The following PLAUR variants were observed in gnomAD, a reference collection of about 807,000 sequenced individuals.
The protein encoded by PLAUR is urokinase plasminogen activator surface receptor.
PLAUR carries 22 observed loss-of-function variants against 33.4 expected under a neutral mutation model. That is an observed-to-expected ratio of 0.66 (90% CI 0.47 to 0.94). The LOEUF (loss-of-function observed/expected upper bound fraction) is 0.94. Among genes scored for constraint, PLAUR ranks in the 40% least tolerant of loss-of-function variants. The pLI is 0.00. For synonymous variants in PLAUR, 148 were observed against 167.3 expected, an observed-to-expected ratio of 0.88 and a Z score of 0.89; for missense variants, 408 against 434.7, an observed-to-expected ratio of 0.94 and a Z score of 0.55.
intron 3 of PLAUR, 191 bp downstream of exon 3, chr19:43,665,125 G>T: frequency 1.7e-6 from 1 of 605,112 alleles, no homozygotes; most frequent in East Asian, 2.8e-5. Context: ...AGTTGAGTTG[G>T]GGTTGGATAT....
At chr19:43,660,160 T>TTTTGC (rs895857577) in intron 3 of PLAUR, among the ~76,000 whole-genome samples, 1 of 149,542 alleles carries the variant, frequency 6.7e-6, no homozygotes, top group African/African-American at 2.5e-5. Flanking sequence ...TTGCGTTTTG[T>TTTTGC]TTTGTTTTGT....
At chr19:43,653,658 A>G (rs1974086445) in intron 5 of PLAUR, among the ~76,000 whole-genome samples, 2 of 148,390 alleles carry the variant, frequency 1.3e-5, no homozygotes, top group Admixed American at 6.7e-5. Context: ...GACTCCATCT[A>G]AAAAAAGAAA....
At chr19:43,655,309 C>G in intron 5 of PLAUR, 130 bp downstream of exon 5, 1 of 451,628 alleles carries the variant, frequency 2.2e-6, no homozygotes, top group East Asian at 4.8e-5. Flanking sequence ...AGGCCTGATA[C>G]TCCCATTTTT....
intron 5 of PLAUR, among the ~76,000 whole-genome samples, chr19:43,653,852 G>A (rs4251901): frequency 0.065 from 9,853 of 151,422 alleles, 379 homozygotes; most frequent in Middle Eastern, 0.19. Flanking sequence ...GCGGCCGGGC[G>A]TGGTGGCTCA....
At chr19:43,658,881 T>G (rs2239373) in intron 3 of PLAUR, among the ~76,000 whole-genome samples, 24,992 of 152,118 alleles carry the variant, frequency 0.16, 2,202 homozygotes, top group East Asian at 0.32. Context: ...AAAACACAAA[T>G]TCTCACCATT....
At chr19:43,669,981 A>G in intron 1 of PLAUR, 85 bp downstream of exon 1, 6 of 1,297,272 alleles carry the variant, frequency 4.6e-6, no homozygotes, top group South Asian at 1.2e-5. Flanking sequence ...ACTGAACCGC[A>G]TTCCTCCAAC....
At chr19:43,653,216 G>A (rs1032114395) in intron 5 of PLAUR, among the ~76,000 whole-genome samples, 2 of 152,308 alleles carry the variant, frequency 1.3e-5, no homozygotes, top group East Asian at 3.9e-4. Flanking sequence ...TTAAAATTCA[G>A]TTCACATTTC....
At chr19:43,668,258 A>G in intron 1 of PLAUR, 1 of 986,884 alleles carries the variant, frequency 1.0e-6, no homozygotes. Context: ...AGCCCTCCGG[A>G]GTTTCTATTG....
Position 43,656,762 on chromosome 19 carries a change from T to C in PLAUR, c.311-122A>G, listed in dbSNP as rs1054714491. The C allele has an allele frequency of 4.1e-6, 3 of 729,550 alleles. No individual in the cohort carries two copies. The African/African-American group carries it at 5.4e-5, about 13-fold the overall frequency. 45.2% of individuals were successfully genotyped at this position (729,550 alleles called of 1,614,324 possible). ...CACCCTGCAGCCAGTCATTGAGCCC[T>C]GCCTATTCTGCCTGCTGAATCTTTC... On this transcript the variant is annotated intron_variant, in intron 3 of 6. Transcript: ENST00000340093.
At chr19:43,657,747 C>T (rs1395969884) in intron 3 of PLAUR, among the ~76,000 whole-genome samples, 3 of 152,244 alleles carry the variant, frequency 2.0e-5, no homozygotes, top group African/African-American at 7.2e-5. Context: ...TGTGTCCCAA[C>T]ACCACCTGGC....
rs1974226670 is a variant in PLAUR at position 43,656,656 on chromosome 19, G to T, written c.311-16C>A. 1 of 1,573,180 alleles carries T rather than the reference G, an allele frequency of 6.4e-7. No homozygotes were observed. The highest frequency in any genetic ancestry group is 8.7e-7 in the Non-Finnish European group (1 of 1,155,734). ...ACAGCCCGGCCTGTTTGGAAGAGGGGGAGGGGAGTGAGACTCCATGGGGAC... is the reference window on the plus strand; with the variant it reads ...ACAGCCCGGCCTGTTTGGAAGAGGGTGAGGGGAGTGAGACTCCATGGGGAC... On this transcript the variant is annotated splice_polypyrimidine_tract_variant and intron_variant, in intron 3 of 6. Coordinates refer to ENST00000340093, the MANE Select transcript of PLAUR (RefSeq NM_002659.4).
chr19:43,665,218 G>T (rs1262401119), intron 3 of PLAUR, 98 bp downstream of exon 3: 2 of 1,264,546 alleles, frequency 1.6e-6, no homozygotes, highest in Admixed American at 3.6e-5. Flanking sequence ...ATGGAGTTGG[G>T]GTTCAGCTGA....
chr19:43,650,487 A>C (rs531584387), intron 6 of PLAUR, among the ~76,000 whole-genome samples: 1 of 151,548 alleles, frequency 6.6e-6, no homozygotes, highest in African/African-American at 2.4e-5. Flanking sequence ...CACCATGCCC[A>C]GCTAACTTTT....
At chr19:43,652,920 G>C (rs4251907) in intron 5 of PLAUR, among the ~76,000 whole-genome samples, 45 of 152,144 alleles carry the variant, frequency 3.0e-4, no homozygotes, top group Non-Finnish European at 5.1e-4. Flanking sequence ...CAATGTTCTC[G>C]GAGTACAGGT....
intron 1 of PLAUR, 106 bp from the exon 2 acceptor site, chr19:43,667,797 C>G: frequency 6.6e-7 from 1 of 1,505,128 alleles, no homozygotes; most frequent in Non-Finnish European, 8.9e-7. Context: ...CAGGCCCCGT[C>G]CATTCAGATT....
chr19:43,651,997 C>T, intron 6 of PLAUR: 7 of 1,295,182 alleles, frequency 5.4e-6, no homozygotes, highest in East Asian at 3.3e-5. Context: ...AGAGTACAAG[C>T]TTCAGCCACC....
chr19:43,665,453 T>C lies in PLAUR; in HGVS notation c.173A>G (p.Glu58Gly). The change falls in exon 3 of 7, where the codon GAA becomes GGA. Residue 58 changes from glutamate (E) to glycine (G), a missense_variant. Physicochemically the swap from Glu to Gly is moderately conservative, Grantham distance 98. Transcript: ENST00000340093. The stretch of plus-strand genomic sequence containing the variant: ...GCTTTTCTCCACCAGCTCCAGCTCT[T>C]CTCCTTCTGCAAGGAGGGGATCTTC... ...TTIVRLWEEG[E>G]ELELVEKSCT... 1 of 1,612,834 alleles carries C rather than the reference T, an allele frequency of 6.2e-7. No individual in the cohort carries two copies. The highest frequency in any genetic ancestry group is 1.1e-5 in the South Asian group (1 of 90,994).
At chr19:43,649,294 C>A in intron 6 of PLAUR, 151 bp from the exon 7 acceptor site, 1 of 850,216 alleles carries the variant, frequency 1.2e-6, no homozygotes, top group Non-Finnish European at 1.8e-6. Flanking sequence ...GTGGCTCATG[C>A]CTGTAATCTC....
chr19:43,648,021 T>C (rs957273001), downstream of PLAUR, among the ~76,000 whole-genome samples: 10 of 149,982 alleles, frequency 6.7e-5, no homozygotes, highest in African/African-American at 2.0e-4. Flanking sequence ...TGTTTTCATG[T>C]GAGGAAAAGT....
Sources: gnomAD v4.1 joint callset for allele counts (sites outside exome capture counted in the v4.1 genomes callset) on GRCh38, gnomAD v4.1.1 for gene constraint, MANE v1.5 for transcripts, NCBI Gene and HGNC (gene_info 2026-07-23, HGNC 2026-07-21) for gene names.